COL13A1: variants seen among roughly 807,000 people sequenced by gnomAD.
COL13A1 encodes the protein collagen alpha-1(XIII) chain.
Under a neutral mutation model 130.9 loss-of-function variants are expected in COL13A1, and 89 were observed. The observed-to-expected ratio is 0.68, with a 90% confidence interval of 0.57 to 0.81. The LOEUF (loss-of-function observed/expected upper bound fraction) is 0.81, where lower values mean the gene tolerates loss of function less well. COL13A1 is among the 30% of genes least tolerant of loss of function. COL13A1 has a pLI of 0.00. For missense variants in COL13A1, 879 were observed against 934.6 expected, an observed-to-expected ratio of 0.94 and a Z score of 0.78; for synonymous variants, 402 against 341.6, an observed-to-expected ratio of 1.18 and a Z score of -1.95.
intron 6 of COL13A1, among the ~76,000 whole-genome samples, chr10:69,880,005 G>T (rs2134293445): frequency 1.3e-5 from 2 of 152,296 alleles, no homozygotes; most frequent in Middle Eastern, 3.4e-3. Flanking sequence ...TTCAGCAGTT[G>T]CAGGGTGTGC....
chr10:69,851,758 G>A (rs1854900734), intron 2 of COL13A1, among the ~76,000 whole-genome samples: 1 of 152,090 alleles, frequency 6.6e-6, no homozygotes, highest in African/African-American at 2.4e-5. Flanking sequence ...TGATTCAAGT[G>A]ATTCTCCTGT....
intron 2 of COL13A1, among the ~76,000 whole-genome samples, chr10:69,826,719 C>A (rs75963564): frequency 0.028 from 4,333 of 152,244 alleles, 173 homozygotes; most frequent in African/African-American, 0.084. Context: ...GACACCATAA[C>A]AGGAGACCCC....
intron 2 of COL13A1, among the ~76,000 whole-genome samples, chr10:69,851,641 TTTTTG>T (rs1854852513): frequency 7.2e-6 from 1 of 139,684 alleles, no homozygotes; most frequent in Non-Finnish European, 1.5e-5. Context: ...TTATTGTGGT[TTTTTG>T]TTTTGTTTGT....
chr10:69,858,990 G>T (rs555186526), intron 2 of COL13A1, among the ~76,000 whole-genome samples: 254 of 152,258 alleles, frequency 1.7e-3, no homozygotes, highest in African/African-American at 5.9e-3. Context: ...AGGGCAGTTA[G>T]ATGATGCATG....
At chr10:69,868,413 T>C (rs1000589603) in intron 3 of COL13A1, among the ~76,000 whole-genome samples, 2 of 152,074 alleles carry the variant, frequency 1.3e-5, no homozygotes, top group African/African-American at 4.8e-5. Context: ...CTGGCCTTGC[T>C]AGGAAGCCCA....
At position 69,927,150 on chromosome 10, in the gene COL13A1, G is replaced by T. The variant is rs567626075; in HGVS notation, c.1422+40G>T. The T allele has an allele frequency of 9.7e-5, 82 of 841,182 alleles. No homozygotes were observed. The African/African-American group carries it at 1.3e-3, about 14-fold the overall frequency. The allele number at this position is 841,182 out of a possible 1,614,324, so 52.1% of individuals were successfully genotyped here. A position where few individuals can be genotyped will look rare whatever the true frequency, so the allele number is the denominator to read the frequency against. On this transcript the variant is annotated intron_variant, in intron 27 of 40. Transcript: ENST00000645393. Reference sequence around the variant, plus strand: ...TCCTGGCTTTCCTTGGGCACTGGACGGGGGGGCTGGGGATGGCAGCCTGGA... The same window carrying T: ...TCCTGGCTTTCCTTGGGCACTGGACTGGGGGGCTGGGGATGGCAGCCTGGA...
At chr10:69,862,011 A>G (rs1396284361) in intron 2 of COL13A1, among the ~76,000 whole-genome samples, 2 of 152,128 alleles carry the variant, frequency 1.3e-5, no homozygotes, top group African/African-American at 4.8e-5. Flanking sequence ...GCTTTTGCCA[A>G]TTTCTGTGGT....
At position 69,835,773 on chromosome 10, in the gene COL13A1, G is replaced by A. The variant is rs141933436; in HGVS notation, c.364+13335G>A. On this transcript the variant is annotated intron_variant, in intron 2 of 40. Transcript: ENST00000645393. ...GGAAACCGAGGACTCGGCAGTGGCC[G>A]TGATGCTTGTCCAGGGAGCATGGAG... Among the ~76,000 whole-genome samples, 7 of 152,360 alleles carry A rather than the reference G, an allele frequency of 4.6e-5. No homozygotes were observed. In the East Asian group the frequency reaches 5.8e-4, roughly 13 times the overall value.
At chr10:69,848,288 T>C (rs1456722825) in intron 2 of COL13A1, among the ~76,000 whole-genome samples, 1 of 152,194 alleles carries the variant, frequency 6.6e-6, no homozygotes, top group Non-Finnish European at 1.5e-5. Context: ...AAAATCATCC[T>C]ATACCTCCTG....
At chr10:69,953,088 A>C in intron 39 of COL13A1, 120 bp downstream of exon 39, 2 of 649,430 alleles carry the variant, frequency 3.1e-6, no homozygotes, top group Non-Finnish European at 4.8e-6. Context: ...TGCTACCAAA[A>C]TCTCTCTGTT....
chr10:69,842,096 T>A (rs1851752211), intron 2 of COL13A1, among the ~76,000 whole-genome samples: 1 of 152,150 alleles, frequency 6.6e-6, no homozygotes. Context: ...GAATTGTAGC[T>A]CCCATAATTC....
intron 32 of COL13A1, among the ~76,000 whole-genome samples, chr10:69,935,897 G>T (rs546170825): frequency 6.6e-6 from 1 of 150,638 alleles, no homozygotes; most frequent in Non-Finnish European, 1.5e-5. Flanking sequence ...TGTAATCCCA[G>T]CTACTCAAGA....
intron 2 of COL13A1, among the ~76,000 whole-genome samples, chr10:69,833,442 C>A (rs932419267): frequency 2.6e-5 from 4 of 152,212 alleles, no homozygotes; most frequent in African/African-American, 9.6e-5. Context: ...CCTGGGTCCA[C>A]CTGCGGGTAG....
In COL13A1 at chr10:69,919,718, G is replaced by C; in HGVS notation, c.1080G>C (p.Arg360Ser). Residue 360 changes from arginine (R) to serine (S), a missense_variant, in exon 21 of 41, where the codon AGG (arginine) becomes AGC (serine). Physicochemically the swap from Arg to Ser is moderately radical, Grantham distance 110. Transcript: ENST00000645393. ...KPGPPGLLGK[R>S]GQRGEKGAEG... ...GGCCCCCAGGTTTGCTGGGAAAGAG[G>C]GGGCAGAGGGTAGGATATCGTGTAT... is the stretch of plus-strand genomic sequence containing the variant. 1 of 398,814 alleles carries C rather than the reference G, an allele frequency of 2.5e-6. No individual in the cohort carries two copies. The highest frequency in any genetic ancestry group is 4.4e-6 in the Non-Finnish European group (1 of 226,262). 24.7% of individuals were successfully genotyped at this position (398,814 alleles called of 1,614,324 possible). A position where few individuals can be genotyped will look rare whatever the true frequency, so the allele number is the denominator to read the frequency against.
chr10:69,818,082 C>A (rs1845067080), intron 1 of COL13A1, among the ~76,000 whole-genome samples: 1 of 152,174 alleles, frequency 6.6e-6, no homozygotes, highest in South Asian at 2.1e-4. Context: ...TGCCTTCTCT[C>A]CCAAACTCCA....
At chr10:69,877,699 TCACACACA>T (rs10532425) in intron 5 of COL13A1, 11,857 of 86,364 alleles carry the variant, frequency 0.14, 998 homozygotes, top group Non-Finnish European at 0.18. Flanking sequence ...TCTCTCTCTC[TCACACACA>T]CACACACACA....
At chr10:69,911,268 G>A (rs1449852435) in intron 17 of COL13A1, among the ~76,000 whole-genome samples, 1 of 152,248 alleles carries the variant, frequency 6.6e-6, no homozygotes, top group Non-Finnish European at 1.5e-5. Context: ...AAGGGCCCGT[G>A]TGGTGGACAC....
chr10:69,943,730 T>A (rs2068015315), intron 35 of COL13A1, among the ~76,000 whole-genome samples: 1 of 152,108 alleles, frequency 6.6e-6, no homozygotes, highest in African/African-American at 2.4e-5. Flanking sequence ...CTCTGTGGCA[T>A]GAAGACCCTC....
At chr10:69,838,145 G>A (rs1850591586) in intron 2 of COL13A1, among the ~76,000 whole-genome samples, 1 of 152,218 alleles carries the variant, frequency 6.6e-6, no homozygotes, top group Admixed American at 6.5e-5. Flanking sequence ...TCCTCAAGGG[G>A]CCACAGGAGA....
Sources: allele counts gnomAD v4.1 joint callset (sites outside exome capture counted in the v4.1 genomes callset), GRCh38; gene constraint gnomAD v4.1.1; transcripts MANE v1.5; gene names NCBI Gene and HGNC (gene_info 2026-07-23, HGNC 2026-07-21).